Variants in TACC1 observed in about 807,000 individuals in gnomAD.
The protein encoded by TACC1 is transforming acidic coiled-coil containing protein 1.
Under a neutral mutation model 84.4 loss-of-function variants are expected in TACC1, and 48 were observed. That is an observed-to-expected ratio of 0.57 (90% CI 0.45 to 0.72). The LOEUF (loss-of-function observed/expected upper bound fraction) is 0.72. TACC1 is among the 30% of genes least tolerant of loss of function. The probability of loss-of-function intolerance (pLI) is 0.00; values close to 1 mark genes in which losing one functional copy is unlikely to be tolerated. For missense variants in TACC1, 920 were observed against 973.0 expected, an observed-to-expected ratio of 0.95 and a Z score of 0.72; for synonymous variants, 372 against 376.3, an observed-to-expected ratio of 0.99 and a Z score of 0.13.
intron 4 of TACC1, among the ~76,000 whole-genome samples, chr8:38,826,797 T>G (rs910043946): frequency 6.6e-6 from 1 of 152,196 alleles, no homozygotes; most frequent in Non-Finnish European, 1.5e-5. Context: ...TTATTTAAAC[T>G]TATGCCAAAA....
chr8:38,813,975 A>G (rs1277830221), intron 2 of TACC1, among the ~76,000 whole-genome samples: 3 of 152,148 alleles, frequency 2.0e-5, no homozygotes, highest in Admixed American at 2.0e-4. Flanking sequence ...AGGTACCTCC[A>G]TTCTCTATCA....
exon 3 of TACC1, chr8:38,745,115 A>T (rs1807819280): frequency 5.2e-6 from 1 of 192,656 alleles, no homozygotes; most frequent in East Asian, 1.2e-4. Context: ...AAATAAATGA[A>T]GGAATCCAGA....
intron 3 of TACC1, among the ~76,000 whole-genome samples, chr8:38,774,498 T>G (rs1444602470): frequency 6.6e-6 from 1 of 152,202 alleles, no homozygotes; most frequent in Non-Finnish European, 1.5e-5. Flanking sequence ...AATACATTTT[T>G]TATTATTGTT....
At chr8:38,785,746 A>C, upstream of TACC1, 2 of 984,530 alleles carry the variant, frequency 2.0e-6, no homozygotes, top group Non-Finnish European at 2.4e-6. Context: ...GGTAAGCATA[A>C]ACCTAAAACT....
intron 2 of TACC1, among the ~76,000 whole-genome samples, chr8:38,817,919 T>TTAAA (rs1491504470): frequency 6.3e-5 from 3 of 47,824 alleles, no homozygotes; most frequent in Admixed American, 2.6e-4. Flanking sequence ...GAGAGACCCC[T>TTAAA]AAAAAAAAAA....
At chr8:38,743,944 C>A (rs1216001124) in intron 2 of TACC1, 2 of 152,178 alleles carry the variant, frequency 1.3e-5, no homozygotes, top group Non-Finnish European at 2.9e-5. Context: ...TTCAGAGCCT[C>A]CATGGTTTCA....
chr8:38,817,950 G>C (rs1207901203), intron 2 of TACC1, among the ~76,000 whole-genome samples: 1 of 137,606 alleles, frequency 7.3e-6, no homozygotes, highest in Non-Finnish European at 1.5e-5. Context: ...AAAAAAAACA[G>C]GCTGGACGCA....
At chr8:38,770,569 C>G (rs1813397062) in intron 3 of TACC1, among the ~76,000 whole-genome samples, 1 of 152,174 alleles carries the variant, frequency 6.6e-6, no homozygotes, top group Non-Finnish European at 1.5e-5. Context: ...GTCTGCGCCG[C>G]GCCTCCTTTG....
chr8:38,765,048 G>A (rs114495924), intron 3 of TACC1, among the ~76,000 whole-genome samples: 1,892 of 149,552 alleles, frequency 0.013, 42 homozygotes, highest in African/African-American at 0.044. Context: ...GCAGTAAGCC[G>A]AGATCACACC....
rs555427425 is a variant in TACC1 at position 38,849,335 on chromosome 8, T to C, written c.*1312T>C. 6.4e-4 allele frequency: 97 copies of C among 152,298 alleles called. No individual in the cohort carries two copies. Among genetic ancestry groups the C allele is most frequent in the African/African-American group, 2.0e-3 (85 of 41,568 alleles). The allele number at this position is 152,298 out of a possible 1,614,324, so 9.4% of individuals were successfully genotyped here. A position where few individuals can be genotyped will look rare whatever the true frequency, so the allele number is the denominator to read the frequency against. On this transcript the variant is annotated 3_prime_UTR_variant, in exon 13 of 13. Coordinates refer to ENST00000317827, the MANE Select transcript of TACC1 (RefSeq NM_006283.3). ...AGCTCTTACTGGACTCAGTTCAGAGTGGTGGGCCATTAACCCCAACATGGA... is the reference window on the plus strand; with the variant it reads ...AGCTCTTACTGGACTCAGTTCAGAGCGGTGGGCCATTAACCCCAACATGGA...
chr8:38,785,341 C>A (rs967027378), upstream of TACC1, among the ~76,000 whole-genome samples: 1 of 152,032 alleles, frequency 6.6e-6, no homozygotes. Flanking sequence ...AGAAGGCTGG[C>A]GGATGATTCT....
intron 5 of TACC1, among the ~76,000 whole-genome samples, chr8:38,830,869 G>T (rs996046701): frequency 6.6e-6 from 1 of 152,178 alleles, no homozygotes; most frequent in African/African-American, 2.4e-5. Flanking sequence ...GACACAAGGG[G>T]GCAGCCTTGC....
chr8:38,761,186 T>C (rs1811140284), intron 3 of TACC1, among the ~76,000 whole-genome samples: 1 of 152,232 alleles, frequency 6.6e-6, no homozygotes, highest in African/African-American at 2.4e-5. Flanking sequence ...AGTTGTGTAT[T>C]TTTGGCGATG....
chr8:38,752,040 G>A (rs913455513), intron 3 of TACC1, among the ~76,000 whole-genome samples: 7 of 152,188 alleles, frequency 4.6e-5, no homozygotes, highest in Admixed American at 3.3e-4. Flanking sequence ...AAATGTTAGT[G>A]CCCATCCCTC....
intron 3 of TACC1, among the ~76,000 whole-genome samples, chr8:38,770,398 C>T (rs984265806): frequency 1.3e-5 from 2 of 152,122 alleles, no homozygotes; most frequent in Non-Finnish European, 2.9e-5. Flanking sequence ...CGGGTTTTCC[C>T]TCCCCTGCCC....
At chr8:38,748,253 A>G (rs1051176897) in intron 3 of TACC1, among the ~76,000 whole-genome samples, 2 of 152,284 alleles carry the variant, frequency 1.3e-5, no homozygotes, top group Non-Finnish European at 2.9e-5. Context: ...GGAATAATTG[A>G]TCAAGATGAC....
At chr8:38,778,914 C>G (rs1470837631) in intron 3 of TACC1, among the ~76,000 whole-genome samples, 3 of 151,790 alleles carry the variant, frequency 2.0e-5, no homozygotes, top group African/African-American at 7.3e-5. Context: ...CTTTTATGCT[C>G]TGGCCCAATT....
chr8:38,833,245 G>A (rs376815853), intron 6 of TACC1, among the ~76,000 whole-genome samples: 9 of 152,272 alleles, frequency 5.9e-5, no homozygotes, highest in African/African-American at 1.9e-4. Context: ...AGTGATAAGC[G>A]GAAAAGAGGG....
At chr8:38,800,427 C>T (rs1821079084) in intron 2 of TACC1, among the ~76,000 whole-genome samples, 1 of 152,130 alleles carries the variant, frequency 6.6e-6, no homozygotes, top group Non-Finnish European at 1.5e-5. Context: ...TCTTCCTTCC[C>T]ACCACCAGTC....
Sources: allele counts gnomAD v4.1 joint callset (sites outside exome capture counted in the v4.1 genomes callset), GRCh38; gene constraint gnomAD v4.1.1; transcripts MANE v1.5; gene names NCBI Gene and HGNC (gene_info 2026-07-23, HGNC 2026-07-21).